Variants in NUAK1 observed in about 807,000 individuals in gnomAD.
NUAK1 encodes the protein NUAK family SNF1-like kinase 1.
NUAK1 carries 26 observed loss-of-function variants against 56.9 expected under a neutral mutation model. The ratio of observed to expected loss-of-function variants is 0.46; its 90% CI spans 0.33 to 0.63. NUAK1 has a LOEUF of 0.63. Ranked by LOEUF, NUAK1 falls within the 30% of genes least tolerant of loss-of-function variation. The pLI, the probability that NUAK1 is intolerant of heterozygous loss-of-function variation, is 0.02. For synonymous variants in NUAK1, 337 were observed against 336.0 expected (o/e 1.00, Z -0.03); for missense variants, 727 against 876.1 (o/e 0.83, Z 2.15).
At chr12:106,136,256 T>A (rs1240288212) in intron 1 of NUAK1, among the ~76,000 whole-genome samples, 2 of 152,156 alleles carry the variant, frequency 1.3e-5, no homozygotes, top group Non-Finnish European at 2.9e-5. Context: ...AAACAAGAGA[T>A]TTAGCTGAAA....
At chr12:106,129,421 C>T (rs890978554) in intron 1 of NUAK1, among the ~76,000 whole-genome samples, 1 of 152,202 alleles carries the variant, frequency 6.6e-6, no homozygotes, top group Non-Finnish European at 1.5e-5. Context: ...GCTGCAGTGA[C>T]GAGTGAGACA....
chr12:106,108,536 GGC>G (rs1309093904), intron 1 of NUAK1, among the ~76,000 whole-genome samples: 10 of 152,200 alleles, frequency 6.6e-5, no homozygotes, highest in Admixed American at 1.3e-4. Context: ...ATGACTGGAT[GGC>G]TTTATTTTAT....
At chr12:106,116,611 T>C (rs118190924) in intron 1 of NUAK1, among the ~76,000 whole-genome samples, 334 of 152,198 alleles carry the variant, frequency 2.2e-3, no homozygotes, top group Middle Eastern at 6.8e-3. Flanking sequence ...AAATAGGAGG[T>C]CTGGGTCTCC....
chr12:106,123,296 G>C (rs1251211289), intron 1 of NUAK1, among the ~76,000 whole-genome samples: 3 of 152,192 alleles, frequency 2.0e-5, no homozygotes, highest in Non-Finnish European at 4.4e-5. Flanking sequence ...CTAGTGTCTA[G>C]AGCAGCACTA....
At chr12:106,086,598 T>C in intron 3 of NUAK1, 136 bp downstream of exon 3, 1 of 823,152 alleles carries the variant, frequency 1.2e-6, no homozygotes, top group Non-Finnish European at 1.6e-6. Flanking sequence ...CGGGTGATGG[T>C]AATTTTCTTC....
intron 2 of NUAK1, among the ~76,000 whole-genome samples, chr12:106,104,879 A>C (rs1416324482): frequency 1.3e-5 from 2 of 152,146 alleles, no homozygotes; most frequent in Non-Finnish European, 2.9e-5. Context: ...CTTTAGGGAC[A>C]CCACTGGTTG....
At chr12:106,113,685 A>T (rs930546075) in intron 1 of NUAK1, among the ~76,000 whole-genome samples, 2 of 149,222 alleles carry the variant, frequency 1.3e-5, no homozygotes, top group Non-Finnish European at 3.0e-5. Context: ...ATACTAGATG[A>T]CTGATGAAAA....
intron 1 of NUAK1, among the ~76,000 whole-genome samples, chr12:106,130,301 C>T (rs1170453744): frequency 1.3e-5 from 2 of 152,192 alleles, no homozygotes; most frequent in Non-Finnish European, 2.9e-5. Context: ...CATTTCTATA[C>T]TCAGATTATT....
intron 1 of NUAK1, among the ~76,000 whole-genome samples, chr12:106,131,423 A>G (rs572656773): frequency 5.5e-4 from 84 of 152,292 alleles, no homozygotes; most frequent in African/African-American, 1.9e-3. Context: ...CATTACATAC[A>G]AATGGAATCA....
intron 2 of NUAK1, among the ~76,000 whole-genome samples, chr12:106,088,485 G>T (rs2032598355): frequency 6.6e-6 from 1 of 152,196 alleles, no homozygotes; most frequent in South Asian, 2.1e-4. Flanking sequence ...TTTATTTCTT[G>T]GTTTACATAC....
intron 4 of NUAK1, among the ~76,000 whole-genome samples, chr12:106,074,941 G>C (rs2032444941): frequency 6.6e-6 from 1 of 152,102 alleles, no homozygotes; most frequent in Non-Finnish European, 1.5e-5. Context: ...AGTGTGCCCT[G>C]TCAATCAGAA....
At chr12:106,113,245 T>C (rs746069990) in intron 1 of NUAK1, among the ~76,000 whole-genome samples, 1 of 151,502 alleles carries the variant, frequency 6.6e-6, no homozygotes, top group Non-Finnish European at 1.5e-5. Context: ...CCTGTTGAGG[T>C]TTGTAAACAT....
At chr12:106,101,191 A>T (rs2032743632) in intron 2 of NUAK1, among the ~76,000 whole-genome samples, 1 of 152,192 alleles carries the variant, frequency 6.6e-6, no homozygotes, top group South Asian at 2.1e-4. Flanking sequence ...GGCAGGATGG[A>T]AAAGGCCAGG....
At chr12:106,093,379 T>C (rs1358605054) in intron 2 of NUAK1, among the ~76,000 whole-genome samples, 3 of 152,240 alleles carry the variant, frequency 2.0e-5, no homozygotes, top group Non-Finnish European at 4.4e-5. Flanking sequence ...AGGGATTGGT[T>C]GCTATAGCAA....
intron 4 of NUAK1, among the ~76,000 whole-genome samples, chr12:106,078,031 C>G (rs142662844): frequency 1.1e-4 from 17 of 152,346 alleles, no homozygotes; most frequent in African/African-American, 4.1e-4. Context: ...TACCGCCAAT[C>G]ACTTGGTGCT....
rs2033153958 is a variant in NUAK1, at chr12:106,138,624, C to T, written c.30G>A (p.Gly10=). ...CCCCCAGCCCCAAGTCGGGGCGGTC[C>T]CCCGCCACAGGCGCGGCGGCCCCTT... The part of the protein sequence containing the change: MEGAAAPVA[G]DRPDLGLGAP... The change falls in exon 1 of 7, where the codon GGG becomes GGA. Residue 10 remains glycine, a synonymous_variant. Transcript: ENST00000261402. The surrounding 1 kb of genome is among the most constrained non-coding windows in gnomAD (Gnocchi z 5.0). The T allele has an allele frequency of 6.4e-7, 1 of 1,550,762 alleles. No individual in the cohort carries two copies. Among genetic ancestry groups the T allele is most frequent in the Non-Finnish European group, 8.6e-7 (1 of 1,156,176 alleles).
At chr12:106,127,081 G>C (rs1431250036) in intron 1 of NUAK1, among the ~76,000 whole-genome samples, 1 of 152,236 alleles carries the variant, frequency 6.6e-6, no homozygotes, top group Non-Finnish European at 1.5e-5. Context: ...ATGAGTCCTT[G>C]TGACAACCTA....
chr12:106,073,007 C>A (rs1287529414), intron 4 of NUAK1, among the ~76,000 whole-genome samples, 164 bp from the exon 5 acceptor site: 1 of 152,154 alleles, frequency 6.6e-6, no homozygotes, highest in Non-Finnish European at 1.5e-5. Context: ...CATAAAGGAC[C>A]ACTCAGCCCA....
chr12:106,091,892 C>G (rs909056101), intron 2 of NUAK1, among the ~76,000 whole-genome samples: 1 of 152,100 alleles, frequency 6.6e-6, no homozygotes, highest in Non-Finnish European at 1.5e-5. Flanking sequence ...CATATTATCC[C>G]TACTTTATAA....
Sources: gnomAD v4.1 joint callset for allele counts (sites outside exome capture counted in the v4.1 genomes callset) on GRCh38, gnomAD v4.1.1 for gene constraint, Gnocchi (gnomAD v3.1) non-coding constraint, MANE v1.5 for transcripts, NCBI Gene and HGNC (gene_info 2026-07-23, HGNC 2026-07-21) for gene names.